The following PLEKHA5 variants were observed in gnomAD, a reference collection of about 807,000 sequenced individuals.
PLEKHA5 encodes pleckstrin homology domain-containing family A member 5.
PLEKHA5 carries 55 observed loss-of-function variants against 181.9 expected under a neutral mutation model. That is an observed-to-expected ratio of 0.30 (90% CI 0.24 to 0.38). The LOEUF (loss-of-function observed/expected upper bound fraction) is 0.38. PLEKHA5 is among the 10% of genes least tolerant of loss of function. The probability of loss-of-function intolerance (pLI) is 1.00; values close to 1 mark genes in which losing one functional copy is unlikely to be tolerated. For missense variants in PLEKHA5, 1,432 were observed against 1,549.5 expected, an observed-to-expected ratio of 0.92 and a Z score of 1.27; for synonymous variants, 535 against 529.4, an observed-to-expected ratio of 1.01 and a Z score of -0.15.
intron 3 of PLEKHA5, among the ~76,000 whole-genome samples, chr12:19,221,716 G>A (rs934111488): frequency 6.6e-6 from 1 of 151,980 alleles, no homozygotes; most frequent in African/African-American, 2.4e-5. Flanking sequence ...CTCACTGAAC[G>A]GCATGGGGCA....
chr12:19,243,676 A>G (rs1382848189), intron 3 of PLEKHA5, among the ~76,000 whole-genome samples: 1 of 152,240 alleles, frequency 6.6e-6, no homozygotes, highest in African/African-American at 2.4e-5. Flanking sequence ...AGGTTTGAGC[A>G]GGATGTCTGG....
Position 19,354,026 on chromosome 12 carries a change from C to T in PLEKHA5, c.3138+24C>T, listed in dbSNP as rs541315061. ...CGGTATTTAACTGGAAATTAATCTT[C>T]TAGGAAGATTCTCACATCTATTTAT... On this transcript the variant is annotated intron_variant, in intron 26 of 31. Transcript: ENST00000429027. 5.3e-6 allele frequency: 6 copies of T among 1,124,556 alleles called. No individual in the cohort carries two copies. In the East Asian group the frequency reaches 1.2e-4, roughly 22 times the overall value. 69.7% of individuals were successfully genotyped at this position (1,124,556 alleles called of 1,614,324 possible). A position where few individuals can be genotyped will look rare whatever the true frequency, so the allele number is the denominator to read the frequency against.
chr12:19,301,999 C>T (rs371069575), intron 15 of PLEKHA5, among the ~76,000 whole-genome samples: 1 of 152,126 alleles, frequency 6.6e-6, no homozygotes, highest in African/African-American at 2.4e-5. Flanking sequence ...TCCCTAAAGC[C>T]TCACCCTGGG....
At chr12:19,237,323 A>G (rs1322997320) in intron 3 of PLEKHA5, among the ~76,000 whole-genome samples, 1 of 152,158 alleles carries the variant, frequency 6.6e-6, no homozygotes, top group Non-Finnish European at 1.5e-5. Flanking sequence ...TTTAGGCTAC[A>G]TGAATACATA....
At chr12:19,298,222 GGACAGAGATAAAACT>G (rs2080434601) in intron 15 of PLEKHA5, among the ~76,000 whole-genome samples, 2 of 151,542 alleles carry the variant, frequency 1.3e-5, no homozygotes, top group Non-Finnish European at 2.9e-5. Flanking sequence ...GGAGTAGGAG[GGACAGAGATAAAACT>G]GAGAAAATCC....
At chr12:19,237,500 G>T (rs2061593478) in intron 3 of PLEKHA5, among the ~76,000 whole-genome samples, 1 of 52,402 alleles carries the variant, frequency 1.9e-5, no homozygotes, top group African/African-American at 3.4e-5. Context: ...TATGCATTAT[G>T]TAATTTTTTT....
chr12:19,320,172 A>G, intron 17 of PLEKHA5, 116 bp downstream of exon 17: 1 of 423,878 alleles, frequency 2.4e-6, no homozygotes, highest in Non-Finnish European at 4.1e-6. Flanking sequence ...ACCGTGAAGG[A>G]TGGTTTTGGC....
chr12:19,222,009 C>T (rs1374791118), intron 3 of PLEKHA5, among the ~76,000 whole-genome samples: 1 of 152,050 alleles, frequency 6.6e-6, no homozygotes, highest in Non-Finnish European at 1.5e-5. Context: ...GTAGTCCCAG[C>T]TACTCAGGAG....
chr12:19,181,200 T>C (rs573420645), intron 3 of PLEKHA5, among the ~76,000 whole-genome samples: 10 of 152,192 alleles, frequency 6.6e-5, no homozygotes, highest in Non-Finnish European at 1.3e-4. Flanking sequence ...CCAGTACTGG[T>C]ATGAATTAGA....
rs1415920949 is a variant in PLEKHA5, at chr12:19,306,675, C to T, written c.2038-8139C>T. Reference sequence around the variant, plus strand: ...GGTGACTGATCTCCCCGGGCGCTAGCTCTGAGCAGATGCGGACTCTCTTCG... The same window carrying T: ...GGTGACTGATCTCCCCGGGCGCTAGTTCTGAGCAGATGCGGACTCTCTTCG... On this transcript the variant is annotated intron_variant, in intron 15 of 31. Transcript: ENST00000429027. The T allele has an allele frequency of 4.8e-6, 7 of 1,471,916 alleles. No individual in the cohort carries two copies. In the African/African-American group the frequency reaches 5.6e-5, roughly 12 times the overall value. 91.2% of individuals were successfully genotyped at this position (1,471,916 alleles called of 1,614,324 possible).
At chr12:19,246,764 G>A (rs1356230752) in intron 3 of PLEKHA5, among the ~76,000 whole-genome samples, 3 of 152,042 alleles carry the variant, frequency 2.0e-5, no homozygotes, top group Non-Finnish European at 4.4e-5. Flanking sequence ...AGTTTCGCAT[G>A]GTTTTGGTCT....
intron 3 of PLEKHA5, chr12:19,200,845 C>T (rs2054023066): frequency 5.7e-6 from 1 of 175,890 alleles, no homozygotes; most frequent in African/African-American, 2.4e-5. Context: ...CCCTTATTAT[C>T]ATATCATGCA....
At chr12:19,173,212 A>G (rs2046401198) in intron 3 of PLEKHA5, among the ~76,000 whole-genome samples, 2 of 148,112 alleles carry the variant, frequency 1.4e-5, no homozygotes, top group South Asian at 2.2e-4. Context: ...TTTAGTAGAG[A>G]CGGGGTTTCA....
At chr12:19,292,663 G>T (rs2078752717) in intron 15 of PLEKHA5, among the ~76,000 whole-genome samples, 1 of 151,636 alleles carries the variant, frequency 6.6e-6, no homozygotes, top group South Asian at 2.1e-4. Context: ...AATGGGCCGG[G>T]TGTGGTGGCT....
intron 21 of PLEKHA5, 22 bp from the exon 22 acceptor site, chr12:19,343,301 G>T: frequency 6.9e-7 from 1 of 1,442,512 alleles, no homozygotes; most frequent in Admixed American, 1.7e-5. Flanking sequence ...CTTATATATG[G>T]TCTATCCATT....
intron 3 of PLEKHA5, among the ~76,000 whole-genome samples, chr12:19,183,369 T>C (rs761391354): frequency 1.3e-4 from 20 of 152,206 alleles, no homozygotes; most frequent in Non-Finnish European, 2.4e-4. Flanking sequence ...TTCTCTTTCA[T>C]GAGCACCAAA....
intron 3 of PLEKHA5, among the ~76,000 whole-genome samples, chr12:19,199,288 A>G (rs2053649614): frequency 6.6e-6 from 1 of 152,030 alleles, no homozygotes; most frequent in African/African-American, 2.4e-5. Context: ...CTTTTTTTGA[A>G]AAAATGCCTT....
intron 29 of PLEKHA5, among the ~76,000 whole-genome samples, chr12:19,365,061 T>C (rs2095382229): frequency 6.6e-6 from 1 of 152,036 alleles, no homozygotes; most frequent in Admixed American, 6.6e-5. Flanking sequence ...AAACCTAAAT[T>C]TGAATAAGCC....
chr12:19,132,241 T>C, intron 2 of PLEKHA5, 152 bp from the exon 3 acceptor site: 1 of 589,308 alleles, frequency 1.7e-6, no homozygotes, highest in Non-Finnish European at 3.0e-6. Flanking sequence ...TTTCAAAAAA[T>C]GATATCTGTT....
Sources: allele counts gnomAD v4.1 joint callset (sites outside exome capture counted in the v4.1 genomes callset), GRCh38; gene constraint gnomAD v4.1.1; transcripts MANE v1.5; gene names NCBI Gene and HGNC (gene_info 2026-07-23, HGNC 2026-07-21).